Variants in DNAAF10 observed in about 807,000 individuals in gnomAD.
DNAAF10 encodes the protein dynein axonemal assembly factor 10.
DNAAF10 carries 28 observed loss-of-function variants against 43.7 expected under a neutral mutation model. The observed-to-expected ratio is 0.64, with a 90% CI of 0.48 to 0.88. The LOEUF (loss-of-function observed/expected upper bound fraction) is 0.88. DNAAF10 is among the 40% of genes least tolerant of loss of function. The pLI is 0.00. For synonymous variants in DNAAF10, 156 were observed against 157.3 expected, an observed-to-expected ratio of 0.99 and a Z score of 0.06; for missense variants, 403 against 439.1, an observed-to-expected ratio of 0.92 and a Z score of 0.73.
Position 68,157,326 on chromosome 2 carries a change from C to T in DNAAF10, c.118G>A (p.Ala40Thr). Residue 40 changes from alanine to threonine, a missense_variant, in exon 1 of 8, where the codon GCA (alanine) becomes ACA (threonine). Physicochemically the swap from Ala to Thr is moderately conservative, Grantham distance 58. Coordinates refer to ENST00000295121, the MANE Select transcript of DNAAF10 (RefSeq NM_138458.4). ...AGCTGAATGACGCCGGTGCCCCGTG[C>T]GAAGTTGCCCATGGTCACAAATTTG... ...SAKFVTMGNF[A>T]RGTGVIQLYE... The T allele has an allele frequency of 6.2e-7, 1 of 1,614,176 alleles. No individual in the cohort carries two copies.
At chr2:68,140,243 G>T (rs1041963001) in intron 4 of DNAAF10, among the ~76,000 whole-genome samples, 1 of 151,866 alleles carries the variant, frequency 6.6e-6, no homozygotes, top group Non-Finnish European at 1.5e-5. Context: ...CCCTAACTTC[G>T]TTTTTCTCAT....
intron 1 of DNAAF10, among the ~76,000 whole-genome samples, chr2:68,149,108 A>C (rs182443152): frequency 1.5e-3 from 236 of 152,322 alleles, no homozygotes; most frequent in Non-Finnish European, 2.4e-3. Context: ...TGCCACTTTC[A>C]ATGTTTATCC....
chr2:68,131,680 A>G, intron 7 of DNAAF10: 1 of 470,580 alleles, frequency 2.1e-6, no homozygotes, highest in South Asian at 2.6e-5. Context: ...TCTAAAAGTC[A>G]TTTCTGCTCA....
intron 2 of DNAAF10, among the ~76,000 whole-genome samples, chr2:68,146,702 CAG>C (rs1472331917): frequency 3.9e-5 from 6 of 152,004 alleles, no homozygotes; most frequent in Non-Finnish European, 8.8e-5. Flanking sequence ...GATTCTAAGA[CAG>C]ATAAATATGT....
chr2:68,142,563 A>C (rs1673214658), intron 3 of DNAAF10, among the ~76,000 whole-genome samples: 1 of 152,210 alleles, frequency 6.6e-6, no homozygotes, highest in South Asian at 2.1e-4. Context: ...CTGGCCTAGA[A>C]TACTATTTCA....
At chr2:68,150,973 CAT>C (rs747852210) in intron 1 of DNAAF10, among the ~76,000 whole-genome samples, 8 of 152,222 alleles carry the variant, frequency 5.3e-5, no homozygotes, top group Non-Finnish European at 1.2e-4. Flanking sequence ...GACACCTGCA[CAT>C]GTCTGAGAAT....
At chr2:68,138,615 A>G in intron 5 of DNAAF10, 127 bp downstream of exon 5, 3 of 710,402 alleles carry the variant, frequency 4.2e-6, no homozygotes, top group Non-Finnish European at 7.3e-6. Flanking sequence ...TTGGCCTCAA[A>G]AAGTTAAGAA....
intron 7 of DNAAF10, 63 bp from the exon 8 acceptor site, chr2:68,131,508 A>C: frequency 1.3e-6 from 2 of 1,506,260 alleles, no homozygotes; most frequent in Non-Finnish European, 1.8e-6. Flanking sequence ...TTATTTTTAT[A>C]CATACACTTC....
At chr2:68,134,211 T>C in intron 7 of DNAAF10, 1 of 987,374 alleles carries the variant, frequency 1.0e-6, no homozygotes, top group Non-Finnish European at 1.2e-6. Context: ...GCCCTTGGGA[T>C]TCAGAAAGTG....
At chr2:68,149,198 C>A (rs1044360504) in intron 1 of DNAAF10, among the ~76,000 whole-genome samples, 1 of 152,216 alleles carries the variant, frequency 6.6e-6, no homozygotes, top group African/African-American at 2.4e-5. Flanking sequence ...TCACTTAACA[C>A]AAACTATAAC....
At chr2:68,133,318 C>G (rs958849083) in intron 7 of DNAAF10, among the ~76,000 whole-genome samples, 4 of 152,148 alleles carry the variant, frequency 2.6e-5, no homozygotes, top group African/African-American at 9.7e-5. Context: ...TCTCGACTCA[C>G]TGAGACCTCC....
intron 7 of DNAAF10, chr2:68,131,687 C>T: frequency 2.2e-6 from 1 of 454,668 alleles, no homozygotes; most frequent in South Asian, 2.6e-5. Flanking sequence ...GTCATTTCTG[C>T]TCAACGTGTA....
At chr2:68,144,811 TATAGAA>T in intron 2 of DNAAF10, 96 bp from the exon 3 acceptor site, 2 of 1,438,042 alleles carry the variant, frequency 1.4e-6, no homozygotes, top group Non-Finnish European at 1.8e-6. Context: ...ATTTTTTCTG[TATAGAA>T]ATTAAGGTTT....
intron 1 of DNAAF10, among the ~76,000 whole-genome samples, chr2:68,148,685 T>C (rs1442438913): frequency 6.6e-6 from 1 of 152,188 alleles, no homozygotes; most frequent in Non-Finnish European, 1.5e-5. Context: ...TCTTGCCATA[T>C]AACACTTCCC....
chr2:68,135,524 G>T (rs775740298), intron 6 of DNAAF10, among the ~76,000 whole-genome samples: 6 of 152,110 alleles, frequency 3.9e-5, no homozygotes, highest in Admixed American at 6.5e-5. Context: ...TGCATTAACT[G>T]GGGGGAACTT....
In DNAAF10 at chr2:68,135,031, T is replaced by C. The variant is rs537115458; in HGVS notation, c.769-232A>G. Among the ~76,000 whole-genome samples the C allele has an allele frequency of 2.0e-5, 3 of 152,324 alleles. No homozygotes were observed. In the East Asian group the frequency reaches 5.8e-4, roughly 29 times the overall value. On this transcript the variant is annotated intron_variant, in intron 6 of 7. Coordinates refer to ENST00000295121, the MANE Select transcript of DNAAF10 (RefSeq NM_138458.4). ...TTTATGAAACAAAGTTCTACTGGAT[T>C]TTTAAAAAGACAGGTATTAAAATCC...
At chr2:68,139,665 G>A (rs1176484427) in intron 4 of DNAAF10, among the ~76,000 whole-genome samples, 1 of 151,170 alleles carries the variant, frequency 6.6e-6, no homozygotes, top group African/African-American at 2.4e-5. Context: ...TTAGCCGGGT[G>A]TGGTGGCAGG....
intron 1 of DNAAF10, among the ~76,000 whole-genome samples, chr2:68,155,963 CA>C (rs1673592768): frequency 6.6e-6 from 1 of 151,542 alleles, no homozygotes; most frequent in Non-Finnish European, 1.5e-5. Flanking sequence ...ATAAAAAGTA[CA>C]AAAAAATTAG....
intron 1 of DNAAF10, among the ~76,000 whole-genome samples, chr2:68,152,950 G>A (rs1019270830): frequency 6.6e-6 from 1 of 152,086 alleles, no homozygotes; most frequent in Non-Finnish European, 1.5e-5. Context: ...TAGCACAGGG[G>A]CTAAAAAAGC....
Sources: gnomAD v4.1 joint callset for allele counts (sites outside exome capture counted in the v4.1 genomes callset) on GRCh38, gnomAD v4.1.1 for gene constraint, MANE v1.5 for transcripts, NCBI Gene and HGNC (gene_info 2026-07-23, HGNC 2026-07-21) for gene names.